Variants in FLNB observed in about 807,000 individuals in gnomAD.
FLNB encodes the protein filamin B, also known as filamin-B.
FLNB carries 111 observed loss-of-function variants against 250.6 expected under a neutral mutation model. The observed-to-expected ratio is 0.44, with a 90% CI of 0.38 to 0.52. The LOEUF (loss-of-function observed/expected upper bound fraction) is 0.52, where lower values mean the gene tolerates loss of function less well. Among genes scored for constraint, FLNB ranks in the 20% least tolerant of loss-of-function variants. The pLI, the probability that FLNB is intolerant of heterozygous loss-of-function variation, is 0.00. For missense variants in FLNB, 2,869 were observed against 3,447.8 expected (o/e 0.83, Z 4.20); for synonymous variants, 1,302 against 1,372.1 (o/e 0.95, Z 1.13).
intron 1 of FLNB, among the ~76,000 whole-genome samples, chr3:58,058,900 G>C: frequency 6.6e-6 from 1 of 152,200 alleles, no homozygotes; most frequent in East Asian, 1.9e-4. Flanking sequence ...CTTGTTCATA[G>C]AGGATCTGAA....
intron 1 of FLNB, among the ~76,000 whole-genome samples, chr3:58,025,320 G>C (rs892051533): frequency 2.0e-5 from 3 of 150,540 alleles, no homozygotes; most frequent in East Asian, 3.9e-4. Flanking sequence ...TGTAGAGGTA[G>C]TGTTTTGCCA....
chr3:58,082,797 AAT>A (rs1212193374), intron 4 of FLNB, among the ~76,000 whole-genome samples: 1 of 151,888 alleles, frequency 6.6e-6, no homozygotes, highest in Non-Finnish European at 1.5e-5. Flanking sequence ...CGAGAAAGAA[AAT>A]GTTATCCCAG....
intron 24 of FLNB, among the ~76,000 whole-genome samples, chr3:58,127,757 AAGT>A (rs2097300341): frequency 6.6e-6 from 1 of 152,246 alleles, no homozygotes; most frequent in Admixed American, 6.5e-5. Flanking sequence ...TATATGACTT[AAGT>A]AGTGAAAGAC....
chr3:58,170,858 G>GTTT lies in FLNB; in HGVS notation c.*96_*97insTTT. The GTTT allele has an allele frequency of 8.7e-7, 1 of 1,148,524 alleles. No homozygotes were observed. Among genetic ancestry groups the GTTT allele is most frequent in the Non-Finnish European group, 1.3e-6 (1 of 782,354 alleles). The allele number at this position is 1,148,524 out of a possible 1,614,324, so 71.1% of individuals were successfully genotyped here. A position where few individuals can be genotyped will look rare whatever the true frequency, so the allele number is the denominator to read the frequency against. ...CAAAGCCCTCCAGCCTGTTTGTGGG[G>GTTT]CTGAAACCCCATCCCTAAAATATTG... On this transcript the variant is annotated 3_prime_UTR_variant, in exon 46 of 46. Transcript: ENST00000295956.
In FLNB at chr3:58,124,413, A is replaced by C. The variant is rs199568506; in HGVS notation, c.3806A>C (p.His1269Pro). The change falls in exon 22 of 46, where the codon CAC becomes CCC. Residue 1269 changes from histidine to proline, a missense_variant. His to Pro is a moderately conservative substitution (Grantham distance 77, BLOSUM62 -2). Coordinates refer to ENST00000295956, the MANE Select transcript of FLNB (RefSeq NM_001457.4). Reference protein sequence around the residue: ...TQVGGDHIKAHIANPSGASTE... With the variant: ...TQVGGDHIKAPIANPSGASTE... ...GTTGGGGGTGACCACATCAAGGCCC[A>C]CATTGCCAACCCCTCAGGGGCCTCC... 2.5e-6 allele frequency: 4 copies of C among 1,614,220 alleles called. No individual in the cohort carries two copies. The highest frequency in any genetic ancestry group is 3.4e-6 in the Non-Finnish European group (4 of 1,180,036).
chr3:58,034,513 C>G (rs1006574290), intron 1 of FLNB, among the ~76,000 whole-genome samples: 1 of 151,828 alleles, frequency 6.6e-6, no homozygotes, highest in Non-Finnish European at 1.5e-5. Flanking sequence ...CACCAAGTAT[C>G]GCACTTCATT....
At position 58,169,857 on chromosome 3, in the gene FLNB, C is replaced by A; in HGVS notation, c.7621+64C>A. Reference sequence around the variant, plus strand: ...GGGCAGGCTGGGCACCCTGGGTACACTGGCCTTCCCTGCTGAGGTCTCCTG... The same window carrying A: ...GGGCAGGCTGGGCACCCTGGGTACAATGGCCTTCCCTGCTGAGGTCTCCTG... On this transcript the variant is annotated intron_variant, in intron 45 of 45. Transcript: ENST00000295956. The surrounding 1 kb of genome is among the most constrained non-coding windows in gnomAD (Gnocchi z 4.8). 7.3e-7 allele frequency: 1 copy of A among 1,371,194 alleles called. No individual in the cohort carries two copies. The highest frequency in any genetic ancestry group is 1.0e-6 in the Non-Finnish European group (1 of 976,834). The allele number at this position is 1,371,194 out of a possible 1,614,324, so 84.9% of individuals were successfully genotyped here. A position where few individuals can be genotyped will look rare whatever the true frequency, so the allele number is the denominator to read the frequency against.
intron 18 of FLNB, among the ~76,000 whole-genome samples, chr3:58,112,702 C>G (rs891369135): frequency 6.6e-6 from 1 of 152,256 alleles, no homozygotes; most frequent in Non-Finnish European, 1.5e-5. Flanking sequence ...GCCTCACCAG[C>G]TGCCTTTTAG....
At chr3:58,122,336 T>G (rs1033867581) in intron 20 of FLNB, among the ~76,000 whole-genome samples, 2 of 148,956 alleles carry the variant, frequency 1.3e-5, no homozygotes, top group African/African-American at 5.0e-5. Flanking sequence ...CTACTAAAAA[T>G]ACAAAGATTA....
chr3:58,093,541 C>G (rs778824982), intron 4 of FLNB, among the ~76,000 whole-genome samples: 3 of 152,154 alleles, frequency 2.0e-5, no homozygotes, highest in African/African-American at 7.2e-5. Flanking sequence ...AGAAGATGCT[C>G]TTGTCACCAA....
intron 32 of FLNB, 34 bp downstream of exon 32, chr3:58,143,647 C>A: frequency 1.2e-6 from 2 of 1,612,606 alleles, no homozygotes; most frequent in Non-Finnish European, 8.5e-7. Flanking sequence ...CAGGGCTCCA[C>A]CATTCAGGGG....
intron 22 of FLNB, 143 bp downstream of exon 22, chr3:58,124,648 G>A (rs1256680756): frequency 2.6e-5 from 23 of 884,484 alleles, no homozygotes; most frequent in East Asian, 8.0e-5. Context: ...GGAAGTCAGC[G>A]TCCGCTGCAG....
chr3:58,100,369 AAAAAAT>A (rs2097247948), intron 8 of FLNB, among the ~76,000 whole-genome samples: 1 of 26,620 alleles, frequency 3.8e-5, no homozygotes, highest in African/African-American at 3.0e-4. Context: ...ATATGTAAAA[AAAAAAT>A]ATATATATAT....
intron 18 of FLNB, among the ~76,000 whole-genome samples, chr3:58,112,806 T>C (rs1315114621): frequency 1.3e-5 from 2 of 152,208 alleles, no homozygotes; most frequent in African/African-American, 4.8e-5. Context: ...TATGAGGTGT[T>C]GGAATGAGGT....
chr3:58,150,983 TC>T lies in FLNB; in HGVS notation c.6367+758del, dbSNP rs1377239336. ...CCTAACGAGTCACGGAGCTGTCGACTCCGCCTTCTTGGCTTTAGTTAACAGG... is the reference window on the plus strand; with the variant it reads ...CCTAACGAGTCACGGAGCTGTCGACTCGCCTTCTTGGCTTTAGTTAACAGG... On this transcript the variant is annotated intron_variant, in intron 38 of 45. Coordinates refer to ENST00000295956, the MANE Select transcript of FLNB (RefSeq NM_001457.4). 2.6e-5 allele frequency: 4 copies of T among 152,884 alleles called. No individual in the cohort carries two copies. The East Asian group carries it at 7.7e-4, about 30-fold the overall frequency. The allele number at this position is 152,884 out of a possible 1,614,324, so 9.5% of individuals were successfully genotyped here.
At chr3:58,008,907 C>A (rs753967358) in intron 1 of FLNB, 51 bp downstream of exon 1, 2 of 1,603,870 alleles carry the variant, frequency 1.2e-6, no homozygotes, top group Non-Finnish European at 1.7e-6. Context: ...GACCCGCCCC[C>A]GCGCGTGCAC....
intron 24 of FLNB, 37 bp downstream of exon 24, chr3:58,126,799 T>G: frequency 6.3e-7 from 1 of 1,599,190 alleles, no homozygotes; most frequent in Non-Finnish European, 8.6e-7. Context: ...AGAGAATAAT[T>G]GATTTTGCAG....
chr3:58,109,760 A>G lies in FLNB; in HGVS notation c.2323+61A>G, dbSNP rs898948535. On this transcript the variant is annotated intron_variant, in intron 15 of 45. Transcript: ENST00000295956. ...CTCCGTGGGGAAGGCAGTTCTTTTC[A>G]TAACGTTTCAATGCCTTTTGAACTA... 2.4e-5 allele frequency: 39 copies of G among 1,611,334 alleles called. 1 individual carries two copies. Among genetic ancestry groups the G allele is most frequent in the Middle Eastern group, 3.6e-4 (2 of 5,532 alleles).
At chr3:58,144,846 C>T (rs757868507) in intron 32 of FLNB, among the ~76,000 whole-genome samples, 7 of 152,166 alleles carry the variant, frequency 4.6e-5, no homozygotes, top group Non-Finnish European at 7.3e-5. Flanking sequence ...ATTTGTATTT[C>T]TCTTGTGAAT....
Sources: allele counts gnomAD v4.1 joint callset (sites outside exome capture counted in the v4.1 genomes callset), GRCh38; gene constraint gnomAD v4.1.1; non-coding constraint Gnocchi (gnomAD v3.1); transcripts MANE v1.5; gene names NCBI Gene and HGNC (gene_info 2026-07-23, HGNC 2026-07-21).